Variants in TMEM164 observed in about 807,000 individuals in gnomAD.
TMEM164 encodes the protein RP13-360B22.2.
Under a neutral mutation model 18.8 loss-of-function variants are expected in TMEM164, and 4 were observed. That is an observed-to-expected ratio of 0.21 (90% confidence interval 0.10 to 0.49). TMEM164 has a LOEUF of 0.49. Among genes scored for constraint, TMEM164 ranks in the 20% least tolerant of loss-of-function variants. TMEM164 has a pLI of 0.98. For missense variants in TMEM164, 108 were observed against 239.9 expected, an observed-to-expected ratio of 0.45 and a Z score of 3.63; for synonymous variants, 86 against 101.7, an observed-to-expected ratio of 0.85 and a Z score of 0.93.
At chrX:110,141,129 G>T (rs1314953365) in intron 4 of TMEM164, among the ~76,000 whole-genome samples, 3 of 111,523 alleles carry the variant, frequency 2.7e-5, no homozygotes, top group African/African-American at 9.8e-5. Context: ...TGCAGCCTGG[G>T]TGACATAATG....
chrX:110,165,386 C>T (rs1333762536), intron 5 of TMEM164, among the ~76,000 whole-genome samples: 2 of 112,971 alleles, frequency 1.8e-5, no homozygotes, highest in African/African-American at 6.4e-5. Flanking sequence ...TTGGTTGGTG[C>T]AAGTAATAGA....
intron 3 of TMEM164, among the ~76,000 whole-genome samples, chrX:110,084,345 A>AACACTATATATAT (rs2065801979): frequency 2.3e-4 from 1 of 4,421 alleles, no homozygotes; most frequent in Non-Finnish European, 4.2e-4. Context: ...CTCTACTAAA[A>AACACTATATATAT]ATACTATATA....
chrX:110,039,979 GTGTT>G (rs2147780610), intron 2 of TMEM164, among the ~76,000 whole-genome samples: 1 of 111,482 alleles, frequency 9.0e-6, no homozygotes, highest in African/African-American at 3.3e-5. Flanking sequence ...AAGGCTGAGG[GTGTT>G]TCCATGTCTA....
At chrX:110,060,280 A>AAAG (rs1428294972) in intron 2 of TMEM164, among the ~76,000 whole-genome samples, 47 of 108,086 alleles carry the variant, frequency 4.3e-4, no homozygotes, top group Non-Finnish European at 8.1e-4. Flanking sequence ...AAAAAAAAAA[A>AAAG]AAAAGAAAAG....
At chrX:110,138,518 A>G (rs530231525) in intron 4 of TMEM164, among the ~76,000 whole-genome samples, 26 of 111,482 alleles carry the variant, frequency 2.3e-4, no homozygotes, top group South Asian at 7.7e-4. Flanking sequence ...GGAACATGGA[A>G]TTGGTTCTTG....
intron 5 of TMEM164, among the ~76,000 whole-genome samples, chrX:110,152,963 C>T (rs912905118): frequency 1.8e-5 from 2 of 111,559 alleles, no homozygotes; most frequent in South Asian, 7.5e-4. Context: ...AACCCCTTCT[C>T]CAACCTCATG....
chrX:110,144,754 A>T (rs757045158), intron 4 of TMEM164, 44 bp from the exon 5 acceptor site: 3 of 1,113,068 alleles, frequency 2.7e-6, no homozygotes, highest in African/African-American at 3.6e-5. Flanking sequence ...GTTGAAATGA[A>T]TGCTTCCTGC....
At chrX:110,139,435 C>T (rs1181738195) in intron 4 of TMEM164, among the ~76,000 whole-genome samples, 3 of 111,083 alleles carry the variant, frequency 2.7e-5, no homozygotes, top group Non-Finnish European at 5.7e-5. Context: ...CAGCTGAGAG[C>T]GAGGATGGGG....
intron 4 of TMEM164, among the ~76,000 whole-genome samples, chrX:110,110,477 C>A (rs2066275870): frequency 8.9e-6 from 1 of 112,078 alleles, no homozygotes; most frequent in Non-Finnish European, 1.9e-5. Flanking sequence ...TGATGCGCTG[C>A]CCCACCCTTG....
intron 4 of TMEM164, among the ~76,000 whole-genome samples, chrX:110,115,435 A>G (rs2066347457): frequency 8.9e-6 from 1 of 112,117 alleles, no homozygotes; most frequent in South Asian, 3.7e-4. Context: ...AAAGGCCAGT[A>G]TGTTTCTGAT....
At chrX:110,110,149 C>T (rs929429784) in intron 4 of TMEM164, among the ~76,000 whole-genome samples, 1 of 111,071 alleles carries the variant, frequency 9.0e-6, no homozygotes, top group African/African-American at 3.3e-5. Flanking sequence ...GGATTGGAGC[C>T]TAAGCCTCTT....
Position 110,116,855 on chromosome X carries a change from C to CGTGTGCGT in TMEM164, c.507+7715_507+7722dup, listed in dbSNP as rs1216422007. Among the ~76,000 whole-genome samples, 67 of 95,283 alleles carry CGTGTGCGT rather than the reference C, an allele frequency of 7.0e-4. 1 individual carries two copies. Among genetic ancestry groups the CGTGTGCGT allele is most frequent in the Non-Finnish European group, 1.1e-3 (54 of 47,365 alleles). 82.7% of individuals were successfully genotyped at this position (95,283 alleles called of 115,157 possible). A position where few individuals can be genotyped will look rare whatever the true frequency, so the allele number is the denominator to read the frequency against. ...GTGTGTGTGTGTGTGTGTGTGTGCG[C>CGTGTGCGT]GTGTGCGTGTGTGTGTGTGTGGTGT... On this transcript the variant is annotated intron_variant, in intron 4 of 6. Transcript: ENST00000372068.
rs768067249 is a variant in TMEM164 at position 110,175,180 on chromosome X, T to G, written c.*1729T>G. The G allele has an allele frequency of 8.8e-6, 1 of 113,008 alleles. No individual in the cohort carries two copies. Among genetic ancestry groups the G allele is most frequent in the South Asian group, 3.6e-4 (1 of 2,756 alleles). The allele number at this position is 113,008 out of a possible 1,213,427, so 9.3% of individuals were successfully genotyped here. On this transcript the variant is annotated 3_prime_UTR_variant, in exon 7 of 7. Coordinates refer to ENST00000372068, the MANE Select transcript of TMEM164 (RefSeq NM_032227.4). ...AAACTTTTCTTAGTGCCTCTCACCT[T>G]AGGGTGGCCCTCCAGGGAAGGTGCT...
In TMEM164 at chrX:110,051,621, G is replaced by GAA. The variant is rs34022236; in HGVS notation, c.391-15723_391-15722dup. ...AGAAAGAAAGAAAGAAAGAAAGAAA[G>GAA]AAAATCCAGTTATTCAGCTGGCTTG... On this transcript the variant is annotated intron_variant, in intron 2 of 6. Transcript: ENST00000372068. Among the ~76,000 whole-genome samples the GAA allele has an allele frequency of 1.1e-3, 117 of 110,316 alleles. 2 individuals are homozygous for GAA. The highest frequency in any genetic ancestry group is 9.3e-3 in the Middle Eastern group (2 of 214).
At chrX:110,017,508 CTCCCTCCTTCCTTCCTTCCTTCCT>C (rs1205023747) in intron 2 of TMEM164, among the ~76,000 whole-genome samples, 5 of 7,368 alleles carry the variant, frequency 6.8e-4, no homozygotes, top group African/African-American at 1.9e-3. Context: ...CCCTCCCTCC[CTCCCTCCTTCCTTCCTTCCTTCCT>C]TCCTTCCTTC....
intron 2 of TMEM164, among the ~76,000 whole-genome samples, chrX:110,054,785 TTCTAGTGG>T (rs1935738053): frequency 8.9e-6 from 1 of 111,807 alleles, no homozygotes; most frequent in Non-Finnish European, 1.9e-5. Context: ...GGCTGTTGGT[TTCTAGTGG>T]ATTGGGTCAC....
At chrX:110,023,616 G>A (rs1438666937) in intron 2 of TMEM164, among the ~76,000 whole-genome samples, 1 of 111,350 alleles carries the variant, frequency 9.0e-6, no homozygotes. Flanking sequence ...TCTATTGAAC[G>A]CTTACCAAGT....
intron 3 of TMEM164, among the ~76,000 whole-genome samples, chrX:110,088,431 G>GT (rs1320598833): frequency 8.9e-6 from 1 of 112,022 alleles, no homozygotes; most frequent in Non-Finnish European, 1.9e-5. Context: ...TTGAGAGGTT[G>GT]TTTTTGACCT....
chrX:110,088,907 T>C (rs73636939), intron 3 of TMEM164, among the ~76,000 whole-genome samples: 7,820 of 111,650 alleles, frequency 0.07, 632 homozygotes, highest in African/African-American at 0.23. Context: ...TTCCCATCTG[T>C]GGAAACATGG....
Sources: gnomAD v4.1 joint callset for allele counts (sites outside exome capture counted in the v4.1 genomes callset) on GRCh38, gnomAD v4.1.1 for gene constraint, MANE v1.5 for transcripts, NCBI Gene and HGNC (gene_info 2026-07-23, HGNC 2026-07-21) for gene names.